Variants in KANSL1 observed in about 807,000 individuals in gnomAD.
The protein encoded by KANSL1 is MLL1/MLL complex subunit KANSL1.
A neutral mutation model predicts 103.6 loss-of-function variants in KANSL1; 22 were observed. The ratio of observed to expected loss-of-function variants is 0.21; its 90% CI spans 0.15 to 0.30. The LOEUF is 0.30. Among genes scored for constraint, KANSL1 ranks in the 10% least tolerant of loss-of-function variants. The probability of loss-of-function intolerance (pLI) is 1.00; values close to 1 mark genes in which losing one functional copy is unlikely to be tolerated. For missense variants in KANSL1, 1,337 were observed against 1,399.8 expected, an observed-to-expected ratio of 0.96 and a Z score of 0.72; for synonymous variants, 600 against 527.6, an observed-to-expected ratio of 1.14 and a Z score of -1.88.
At chr17:46,144,599 G>A (rs2044598300) in intron 2 of KANSL1, among the ~76,000 whole-genome samples, 1 of 152,122 alleles carries the variant, frequency 6.6e-6, no homozygotes, top group Non-Finnish European at 1.5e-5. Context: ...TACATAACCT[G>A]TATATGACAG....
rs114633905 is a variant in KANSL1 at position 46,113,601 on chromosome 17, T to G, written c.1290-18900A>C. Among the ~76,000 whole-genome samples, 1,466 of 151,954 alleles carry G rather than the reference T, an allele frequency of 9.6e-3. 19 individuals are homozygous for G. Among genetic ancestry groups the G allele is most frequent in the African/African-American group, 0.034 (1,418 of 41,438 alleles). ...CAAAGAAAGTCATTCAAGATACTCC[T>G]CAGTTCTCTCATCCAAAAAACTCAT... On this transcript the variant is annotated intron_variant, in intron 2 of 14. Coordinates refer to ENST00000432791, the MANE Select transcript of KANSL1 (RefSeq NM_015443.4).
At chr17:46,053,668 C>T (rs574050778) in intron 6 of KANSL1, among the ~76,000 whole-genome samples, 9 of 152,128 alleles carry the variant, frequency 5.9e-5, no homozygotes, top group Non-Finnish European at 1.2e-4. Context: ...ATCTCCTGAC[C>T]TCGTGATCTG....
chr17:46,131,327 T>C (rs972469951), intron 2 of KANSL1, among the ~76,000 whole-genome samples: 3 of 152,258 alleles, frequency 2.0e-5, no homozygotes, highest in Non-Finnish European at 4.4e-5. Flanking sequence ...ACATCCAGTT[T>C]CTGAAAATCT....
In KANSL1 at chr17:46,171,139, C is replaced by T. The variant is rs756692764; in HGVS notation, c.1005G>A (p.Leu335=). 2 of 1,614,156 alleles carry T rather than the reference C, an allele frequency of 1.2e-6. No homozygotes were observed. The highest frequency in any genetic ancestry group is 1.1e-5 in the South Asian group (1 of 91,090). ...LEKTLSKLPN[L]ESLRPRSQLM... is the part of the protein sequence containing the mutation. ...ACTGGCTCCGTGGTCTCAAGGATTC[C>T]AAGTTTGGCAGTTTGCTCAAAGTCT... The change falls in exon 2 of 15, where the codon TTG becomes TTA. Residue 335 remains leucine, a synonymous_variant. Coordinates refer to ENST00000432791, the MANE Select transcript of KANSL1 (RefSeq NM_015443.4).
chr17:46,110,067 G>A (rs534770606), intron 2 of KANSL1, among the ~76,000 whole-genome samples: 2 of 152,240 alleles, frequency 1.3e-5, no homozygotes, highest in South Asian at 4.1e-4. Context: ...CTACTGACAG[G>A]AACAAGTGAC....
chr17:46,106,132 C>T (rs1412948259), intron 2 of KANSL1, among the ~76,000 whole-genome samples: 8 of 152,288 alleles, frequency 5.3e-5, no homozygotes, highest in South Asian at 2.1e-4. Flanking sequence ...TTTGAAAATA[C>T]GGTTTATTGG....
chr17:46,216,435 C>T (rs1384416704), intron 1 of KANSL1, among the ~76,000 whole-genome samples: 1 of 151,818 alleles, frequency 6.6e-6, no homozygotes, highest in East Asian at 1.9e-4. Context: ...CCCATCTCTA[C>T]TAAAACTACA....
In KANSL1 at chr17:46,202,417, A is replaced by T. The variant is rs117477548; in HGVS notation, c.-90+21254T>A. ...CAGAATTCTCACTGTTTCAAGATAGAAAAGGAGTCCTCAGAGAGATATGTC... is the reference window on the plus strand; with the variant it reads ...CAGAATTCTCACTGTTTCAAGATAGTAAAGGAGTCCTCAGAGAGATATGTC... On this transcript the variant is annotated intron_variant, in intron 1 of 14. Coordinates refer to the KANSL1 transcript ENST00000572904. 4.2e-3 allele frequency among the ~76,000 whole-genome samples: 640 copies of T among 152,360 alleles called. 2 individuals carry two copies. The highest frequency in any genetic ancestry group is 0.041 in the Middle Eastern group (12 of 294).
intron 1 of KANSL1, among the ~76,000 whole-genome samples, chr17:46,200,431 G>A (rs1166798358): frequency 6.6e-6 from 1 of 152,178 alleles, no homozygotes; most frequent in Non-Finnish European, 1.5e-5. Context: ...GGTGTACAAG[G>A]CAAAACACAC....
chr17:46,031,493 G>C lies in KANSL1; in HGVS notation c.3301C>G (p.Arg1101Gly), dbSNP rs1372183525. The change falls in exon 15 of 15, where the codon CGC becomes GGC. Residue 1101 changes from arginine to glycine, a missense_variant. By Grantham distance (125) the Arg-to-Gly change is moderately radical. Transcript: ENST00000432791. ...TCTCCCGCTCATCTGTGAGTCGGGCGCTGAGCTGTGGCTGCTGCCACCAGA... is the reference window on the plus strand; with the variant it reads ...TCTCCCGCTCATCTGTGAGTCGGGCCCTGAGCTGTGGCTGCTGCCACCAGA... ...RHLVAAATAQRPTHR is the reference protein window; with the variant it reads ...RHLVAAATAQGPTHR The C allele has an allele frequency of 6.2e-7, 1 of 1,611,924 alleles. No individual in the cohort carries two copies. Among genetic ancestry groups the C allele is most frequent in the East Asian group, 2.2e-5 (1 of 44,824 alleles).
Position 46,031,440 on chromosome 17 carries a change from ATAGT to A in KANSL1, c.*32_*35del, listed in dbSNP as rs767896466. On this transcript the variant is annotated 3_prime_UTR_variant, in exon 15 of 15. Coordinates refer to ENST00000432791, the MANE Select transcript of KANSL1 (RefSeq NM_015443.4). ...AGAGATTTCTGAAGCTTTAATGCCAATAGTTAGTGAGTCTGTTTAGATGGCTGTC... is the reference window on the plus strand; with the variant it reads ...AGAGATTTCTGAAGCTTTAATGCCAATAGTGAGTCTGTTTAGATGGCTGTC... 171 of 1,522,550 alleles carry A rather than the reference ATAGT, an allele frequency of 1.1e-4. No individual in the cohort carries two copies. The highest frequency in any genetic ancestry group is 1.4e-4 in the Non-Finnish European group (154 of 1,120,922). 94.3% of individuals were successfully genotyped at this position (1,522,550 alleles called of 1,614,324 possible). A position where few individuals can be genotyped will look rare whatever the true frequency, so the allele number is the denominator to read the frequency against.
At chr17:46,111,372 C>T (rs561538372) in intron 2 of KANSL1, among the ~76,000 whole-genome samples, 23 of 152,272 alleles carry the variant, frequency 1.5e-4, no homozygotes, top group African/African-American at 5.5e-4. Flanking sequence ...CCAAGCCCAG[C>T]TAATTTTTTG....
At chr17:46,075,351 T>C (rs1259037322) in intron 4 of KANSL1, among the ~76,000 whole-genome samples, 2 of 149,468 alleles carry the variant, frequency 1.3e-5, no homozygotes, top group African/African-American at 2.4e-5. Context: ...CACTCTCTCT[T>C]TCTTTCTGAC....
In KANSL1 at chr17:46,146,675, T is replaced by C. The variant is rs553758138; in HGVS notation, c.1289+24180A>G. Among the ~76,000 whole-genome samples, 10 of 143,434 alleles carry C rather than the reference T, an allele frequency of 7.0e-5. No individual in the cohort carries two copies. The South Asian group carries it at 2.1e-3, about 31-fold the overall frequency. The allele number at this position is 143,434 out of a possible 152,430, so 94.1% of individuals were successfully genotyped here. On this transcript the variant is annotated intron_variant, in intron 2 of 14. Coordinates refer to ENST00000432791, the MANE Select transcript of KANSL1 (RefSeq NM_015443.4). ...GGTGAAACCCCGTCTCTACTAAAAA[T>C]ACAAAAAATTAGCCGGGCGTAGTGG...
rs1287058446 is a variant in KANSL1 at position 46,187,573 on chromosome 17, AG to A, written c.-90+5249del. ...AAAAAAATTACAGCCAGGAAAAAAA[AG>A]GGTAAGTTCACAGTCAGCAACAATA... On this transcript the variant is annotated intron_variant, in intron 1 of 14. Coordinates refer to ENST00000432791, the MANE Select transcript of KANSL1 (RefSeq NM_015443.4). 2.0e-5 allele frequency among the ~76,000 whole-genome samples: 3 copies of A among 152,374 alleles called. No homozygotes were observed. The East Asian group carries it at 5.8e-4, about 29-fold the overall frequency.
intron 1 of KANSL1, among the ~76,000 whole-genome samples, chr17:46,172,500 C>T (rs1038438274): frequency 1.3e-5 from 2 of 151,942 alleles, no homozygotes; most frequent in South Asian, 4.1e-4. Flanking sequence ...AACACAAGTT[C>T]GATTCAGAGA....
At chr17:46,103,132 G>A (rs1444538015) in intron 2 of KANSL1, among the ~76,000 whole-genome samples, 2 of 152,200 alleles carry the variant, frequency 1.3e-5, no homozygotes, top group Non-Finnish European at 2.9e-5. Flanking sequence ...ATACAGGTAG[G>A]CAGGGCCAGG....
intron 2 of KANSL1, among the ~76,000 whole-genome samples, chr17:46,113,128 G>A (rs1362182055): frequency 2.0e-5 from 3 of 152,130 alleles, no homozygotes; most frequent in Non-Finnish European, 2.9e-5. Context: ...TGGGGGTGGG[G>A]GGATGGTACT....
At chr17:46,183,426 A>T (rs2046877866) in intron 1 of KANSL1, among the ~76,000 whole-genome samples, 1 of 151,614 alleles carries the variant, frequency 6.6e-6, no homozygotes, top group South Asian at 2.1e-4. Context: ...CTAAAAAAAT[A>T]ATAATTAGCT....
Sources: allele counts gnomAD v4.1 joint callset (sites outside exome capture counted in the v4.1 genomes callset), GRCh38; gene constraint gnomAD v4.1.1; transcripts MANE v1.5; gene names NCBI Gene and HGNC (gene_info 2026-07-23, HGNC 2026-07-21).